AGPS: variants seen among roughly 807,000 people sequenced by gnomAD.
The protein encoded by AGPS is alkylglycerone phosphate synthase.
In AGPS, 26 loss-of-function variants were observed where a neutral mutation model predicts 90.7. The observed-to-expected ratio is 0.29, with a 90% CI of 0.21 to 0.40. AGPS has a LOEUF of 0.40. Ranked by LOEUF, AGPS falls within the 10% of genes least tolerant of loss-of-function variation. AGPS has a pLI of 1.00. For synonymous variants in AGPS, 294 were observed against 285.3 expected, an observed-to-expected ratio of 1.03 and a Z score of -0.31; for missense variants, 540 against 816.1, an observed-to-expected ratio of 0.66 and a Z score of 4.12.
At chr2:177,511,072 T>C (rs925563350) in intron 16 of AGPS, among the ~76,000 whole-genome samples, 1 of 152,076 alleles carries the variant, frequency 6.6e-6, no homozygotes, top group Non-Finnish European at 1.5e-5. Flanking sequence ...AAATAGATAT[T>C]TTAAGGGTTG....
At chr2:177,523,973 G>A (rs890818359) in intron 19 of AGPS, among the ~76,000 whole-genome samples, 168 bp downstream of exon 19, 7 of 152,184 alleles carry the variant, frequency 4.6e-5, no homozygotes, top group Non-Finnish European at 7.4e-5. Context: ...GTTAGGTTGT[G>A]GTAGTAGCCA....
intron 7 of AGPS, 90 bp from the exon 8 acceptor site, chr2:177,445,456 A>G (rs1686741696): frequency 1.8e-6 from 2 of 1,135,092 alleles, no homozygotes; most frequent in African/African-American, 3.1e-5. Flanking sequence ...TCACTGTCTT[A>G]CCACTTGTTG....
chr2:177,521,348 A>G lies in AGPS; in HGVS notation c.1777A>G (p.Thr593Ala). The G allele has an allele frequency of 6.2e-7, 1 of 1,613,888 alleles. No individual in the cohort carries two copies. Among genetic ancestry groups the G allele is most frequent in the Non-Finnish European group, 8.5e-7 (1 of 1,179,780 alleles). ...CTACAGGGGAATTAGTGACCCACTG[A>G]CCGTATTTGAACAAACTGAGGTAAT... The part of the protein sequence containing the change: ...FNYRGISDPL[T>A]VFEQTEAAAR... The change falls in exon 18 of 20, where the codon ACC (threonine) becomes GCC (alanine). Residue 593 changes from threonine to alanine, a missense_variant. Physicochemically the swap from Thr to Ala is moderately conservative, Grantham distance 58. This residue lies in a region of AGPS where 405 missense variants were observed against 692.1 expected (regional missense o/e 0.59). Coordinates refer to ENST00000264167, the MANE Select transcript of AGPS (RefSeq NM_003659.4).
At position 177,445,629 on chromosome 2, in the gene AGPS, A is replaced by T. The variant is rs1686747135; in HGVS notation, c.870+3A>T. 6.4e-7 allele frequency: 1 copy of T among 1,571,974 alleles called. No homozygotes were observed. The highest frequency in any genetic ancestry group is 8.6e-7 in the Non-Finnish European group (1 of 1,159,630). On this transcript the variant is annotated splice_donor_region_variant and intron_variant, in intron 8 of 19. Transcript: ENST00000264167. ...CAGGACAAGAGTTGGAAAGACAGGT[A>T]TGTTATTTATTTTTCTTATTTTTTT...
At chr2:177,409,415 T>G (rs1181838630) in intron 1 of AGPS, among the ~76,000 whole-genome samples, 3 of 151,824 alleles carry the variant, frequency 2.0e-5, no homozygotes, top group African/African-American at 7.3e-5. Flanking sequence ...ACCTCCTGCT[T>G]TAGCCTAATT....
chr2:177,476,795 C>T (rs1373417802), intron 10 of AGPS, among the ~76,000 whole-genome samples: 1 of 152,058 alleles, frequency 6.6e-6, no homozygotes, highest in East Asian at 1.9e-4. Context: ...ATCTATTTCT[C>T]CCTTCATTTC....
At chr2:177,499,561 T>C in intron 13 of AGPS, 57 bp from the exon 14 acceptor site, 1 of 1,159,662 alleles carries the variant, frequency 8.6e-7, no homozygotes, top group Non-Finnish European at 1.3e-6. Context: ...TGTATTTTGA[T>C]TTATTGTTTT....
rs564457055 is a variant in AGPS, at chr2:177,436,635, T to C, written c.442-129T>C. 3.9e-5 allele frequency: 33 copies of C among 853,514 alleles called. No individual in the cohort carries two copies. The African/African-American group carries it at 4.1e-4, about 11-fold the overall frequency. The allele number at this position is 853,514 out of a possible 1,614,324, so 52.9% of individuals were successfully genotyped here. ...TGATTTCTATATATGTTGTGTTGTA[T>C]TTTCCTATGCTTCAGCCTTACTTTG... On this transcript the variant is annotated intron_variant, in intron 3 of 19. Transcript: ENST00000264167.
intron 1 of AGPS, among the ~76,000 whole-genome samples, chr2:177,411,848 C>T (rs779841225): frequency 3.3e-5 from 5 of 152,090 alleles, no homozygotes; most frequent in Non-Finnish European, 7.3e-5. Context: ...GTTCTAAGGC[C>T]CTGGCCAAGG....
intron 1 of AGPS, among the ~76,000 whole-genome samples, chr2:177,410,182 G>A (rs934415617): frequency 1.3e-5 from 2 of 152,138 alleles, no homozygotes; most frequent in Non-Finnish European, 2.9e-5. Context: ...CCATACTAGG[G>A]GTCCTTCTGT....
chr2:177,531,969 A>G lies in AGPS; in HGVS notation c.1856-6105A>G, dbSNP rs182808288. On this transcript the variant is annotated intron_variant, in intron 19 of 19. Transcript: ENST00000264167. ...CTGACCTAAATCTCATACCTATACAAAAATTTAACTCAAAATGAATAATGA... is the reference window on the plus strand; with the variant it reads ...CTGACCTAAATCTCATACCTATACAGAAATTTAACTCAAAATGAATAATGA... Among the ~76,000 whole-genome samples the G allele has an allele frequency of 2.6e-5, 4 of 152,306 alleles. No homozygotes were observed. In the East Asian group the frequency reaches 7.7e-4, roughly 29 times the overall value.
chr2:177,442,383 AGTT>A, intron 6 of AGPS, 21 bp from the exon 7 acceptor site: 2 of 1,563,344 alleles, frequency 1.3e-6, no homozygotes, highest in Non-Finnish European at 1.8e-6. Context: ...TAAACATAAA[AGTT>A]GTTGTTTCCT....
At position 177,477,869 on chromosome 2, in the gene AGPS, A is replaced by G. The variant is rs148946916; in HGVS notation, c.1106-4190A>G. 2.6e-3 allele frequency among the ~76,000 whole-genome samples: 394 copies of G among 152,302 alleles called. 4 individuals carry two copies. The highest frequency in any genetic ancestry group is 9.0e-3 in the African/African-American group (375 of 41,570). ...AAATACATCATATATGTATTGTTTTATACCAATGCTTTTTAAATCAGATGT... is the reference window on the plus strand; with the variant it reads ...AAATACATCATATATGTATTGTTTTGTACCAATGCTTTTTAAATCAGATGT... On this transcript the variant is annotated intron_variant, in intron 10 of 19. Transcript: ENST00000264167.
At chr2:177,505,739 A>G (rs1201909207) in intron 15 of AGPS, among the ~76,000 whole-genome samples, 164 bp downstream of exon 15, 1 of 151,958 alleles carries the variant, frequency 6.6e-6, no homozygotes, top group Non-Finnish European at 1.5e-5. Context: ...AATCTTCAGA[A>G]GCCCATTTAA....
At chr2:177,522,434 C>A (rs942817952) in intron 18 of AGPS, among the ~76,000 whole-genome samples, 1 of 151,982 alleles carries the variant, frequency 6.6e-6, no homozygotes, top group Non-Finnish European at 1.5e-5. Flanking sequence ...ATGTATGATT[C>A]ATTCGGAAAA....
intron 9 of AGPS, among the ~76,000 whole-genome samples, chr2:177,465,806 G>A (rs754747698): frequency 5.4e-4 from 82 of 152,208 alleles, no homozygotes; most frequent in Non-Finnish European, 9.6e-4. Context: ...CTCCTTGAAG[G>A]GCCACAGCTC....
At chr2:177,450,975 T>TATATATATA (rs1434749270) in intron 8 of AGPS, among the ~76,000 whole-genome samples, 1 of 136,586 alleles carries the variant, frequency 7.3e-6, no homozygotes, top group African/African-American at 3.6e-5. Flanking sequence ...TATATATATA[T>TATATATATA]TTTAGAGACA....
chr2:177,476,878 T>C (rs1687794422), intron 10 of AGPS, among the ~76,000 whole-genome samples: 1 of 152,166 alleles, frequency 6.6e-6, no homozygotes, highest in African/African-American at 2.4e-5. Flanking sequence ...TGTTTTGTCT[T>C]CCTGATGGCT....
At chr2:177,422,398 A>C (rs982029313) in intron 2 of AGPS, among the ~76,000 whole-genome samples, 6 of 152,152 alleles carry the variant, frequency 3.9e-5, no homozygotes, top group African/African-American at 1.4e-4. Flanking sequence ...CAGAGAATTT[A>C]TCTGTTGGTT....
Sources: gnomAD v4.1 joint callset for allele counts (sites outside exome capture counted in the v4.1 genomes callset) on GRCh38, gnomAD v4.1.1 for gene constraint, gnomAD v4.1.1 regional missense constraint, MANE v1.5 for transcripts, NCBI Gene and HGNC (gene_info 2026-07-23, HGNC 2026-07-21) for gene names.